Variants in SORCS1 observed in about 807,000 individuals in gnomAD.
The protein encoded by SORCS1 is VPS10 domain-containing receptor SorCS1.
In SORCS1, 60 loss-of-function variants were observed where a neutral mutation model predicts 146.1. The observed-to-expected ratio is 0.41, with a 90% CI of 0.33 to 0.51. SORCS1 has a LOEUF of 0.51. Among genes scored for constraint, SORCS1 ranks in the 20% least tolerant of loss-of-function variants. The pLI is 0.21. For synonymous variants in SORCS1, 637 were observed against 584.0 expected (o/e 1.09, Z -1.31); for missense variants, 1,352 against 1,487.6 (o/e 0.91, Z 1.50).
rs142504512 is a variant in SORCS1 at position 106,760,831 on chromosome 10, G to C, written c.959+757C>G. ...ACATGACAAGGGGAAGGCCGGCCAG[G>C]CATGCTGGCTCACACCTGTAATCCC... On this transcript the variant is annotated intron_variant, in intron 5 of 25. Transcript: ENST00000263054. 9.3e-3 allele frequency among the ~76,000 whole-genome samples: 1,415 copies of C among 152,220 alleles called. 9 individuals are homozygous for C. The highest frequency in any genetic ancestry group is 0.014 in the Non-Finnish European group (971 of 68,016).
chr10:107,148,715 G>A (rs1968533173), intron 1 of SORCS1, among the ~76,000 whole-genome samples: 1 of 152,174 alleles, frequency 6.6e-6, no homozygotes, highest in Non-Finnish European at 1.5e-5. Context: ...GAGCTTTTAA[G>A]GCAAATATAA....
At chr10:106,994,063 CAAAAAAAAA>C (rs67408221) in intron 1 of SORCS1, among the ~76,000 whole-genome samples, 39 of 80,816 alleles carry the variant, frequency 4.8e-4, no homozygotes, top group African/African-American at 1.5e-3. Context: ...GACCCCATCT[CAAAAAAAAA>C]AAAAAAAAAA....
Position 106,829,605 on chromosome 10 carries a change from T to C in SORCS1, c.695A>G (p.Tyr232Cys), listed in dbSNP as rs201223592. ...DKVGLKTILS[Y>C]LYVCPTNKRK... ...CTTGTTGGTAGGACACACATAGAGA[T>C]AGCTCAAAATGGTTTTCAAACCAAC... is the stretch of plus-strand genomic sequence containing the variant. The change falls in exon 3 of 26, where the codon TAT (tyrosine) becomes TGT (cysteine). Residue 232 changes from tyrosine to cysteine, a missense_variant. By Grantham distance (194) the Tyr-to-Cys change is radical. Transcript: ENST00000263054. The C allele has an allele frequency of 6.0e-5, 96 of 1,605,936 alleles. No individual in the cohort carries two copies. The highest frequency in any genetic ancestry group is 6.0e-5 in the Non-Finnish European group (70 of 1,173,662).
intron 1 of SORCS1, among the ~76,000 whole-genome samples, chr10:107,063,891 A>G (rs2134131284): frequency 6.6e-6 from 1 of 152,336 alleles, no homozygotes; most frequent in African/African-American, 2.4e-5. Context: ...GGCTGCATTG[A>G]AATCTGAGTG....
intron 16 of SORCS1, 133 bp downstream of exon 16, chr10:106,671,104 G>A: frequency 8.3e-7 from 1 of 1,206,794 alleles, no homozygotes; most frequent in South Asian, 1.5e-5. Context: ...AAACTATGAG[G>A]TAATTTTATA....
At chr10:107,163,851 T>C in intron 1 of SORCS1, 118 bp downstream of exon 1, 1 of 1,177,740 alleles carries the variant, frequency 8.5e-7, no homozygotes, top group South Asian at 1.5e-5. Context: ...AGAGACCAGT[T>C]TGCAGCATCT....
intron 6 of SORCS1, among the ~76,000 whole-genome samples, chr10:106,726,990 G>T (rs1205116537): frequency 1.3e-5 from 2 of 151,898 alleles, no homozygotes; most frequent in Non-Finnish European, 2.9e-5. Flanking sequence ...GGAGGCTGAG[G>T]CAGGAGAATG....
At chr10:107,071,726 C>G (rs992528522) in intron 1 of SORCS1, among the ~76,000 whole-genome samples, 1 of 152,230 alleles carries the variant, frequency 6.6e-6, no homozygotes, top group African/African-American at 2.4e-5. Context: ...AACACTCACA[C>G]TAGTCAGTCC....
intron 17 of SORCS1, among the ~76,000 whole-genome samples, chr10:106,661,200 T>C (rs536173832): frequency 6.6e-6 from 1 of 152,280 alleles, no homozygotes; most frequent in East Asian, 1.9e-4. Flanking sequence ...CAAAGAGGAA[T>C]AAATTTGGGG....
chr10:106,950,753 G>C (rs1212984804), intron 2 of SORCS1, among the ~76,000 whole-genome samples: 1 of 152,098 alleles, frequency 6.6e-6, no homozygotes, highest in East Asian at 1.9e-4. Flanking sequence ...TGAACGTATG[G>C]AGTTCAGTAA....
rs549964369 is a variant in SORCS1, at chr10:107,116,267, T to G, written c.558+47702A>C. 4.6e-5 allele frequency among the ~76,000 whole-genome samples: 7 copies of G among 152,208 alleles called. No individual in the cohort carries two copies. The South Asian group carries it at 1.4e-3, about 32-fold the overall frequency. ...ATCCAGCAATCTCGCCCTGGGACTA[T>G]CTCCAAAGGAAATGAAATAAGCATC... On this transcript the variant is annotated intron_variant, in intron 1 of 25. Coordinates refer to ENST00000263054, the MANE Select transcript of SORCS1 (RefSeq NM_052918.5).
At chr10:107,174,731 ATTCTACT>A in the SORCS1 span, among the ~76,000 whole-genome samples, 1 of 152,256 alleles carries the variant, frequency 6.6e-6, no homozygotes, top group East Asian at 1.9e-4. Flanking sequence ...GCATATTAAA[ATTCTACT>A]TCTCTATTTG....
At chr10:106,588,362 A>C (rs982415201) in intron 24 of SORCS1, among the ~76,000 whole-genome samples, 1 of 152,168 alleles carries the variant, frequency 6.6e-6, no homozygotes, top group African/African-American at 2.4e-5. Context: ...CCTGTACTTA[A>C]TATCACAGGC....
chr10:106,603,211 G>A (rs963534784), intron 23 of SORCS1, among the ~76,000 whole-genome samples: 1 of 152,126 alleles, frequency 6.6e-6, no homozygotes, highest in African/African-American at 2.4e-5. Flanking sequence ...ACTCCGAGGG[G>A]AGCAAGGAAG....
At chr10:106,851,509 C>T (rs1355308513) in intron 2 of SORCS1, among the ~76,000 whole-genome samples, 1 of 152,192 alleles carries the variant, frequency 6.6e-6, no homozygotes, top group Non-Finnish European at 1.5e-5. Context: ...GATCAGCTGA[C>T]TATATTTATA....
At chr10:106,967,929 G>T (rs528816094) in intron 1 of SORCS1, among the ~76,000 whole-genome samples, 1 of 151,882 alleles carries the variant, frequency 6.6e-6, no homozygotes, top group African/African-American at 2.4e-5. Flanking sequence ...AAAATGCCGG[G>T]TGTGGTGGCT....
intron 2 of SORCS1, among the ~76,000 whole-genome samples, chr10:106,830,600 TTTA>T (rs1948501300): frequency 1.4e-5 from 2 of 146,194 alleles, no homozygotes; most frequent in African/African-American, 5.2e-5. Flanking sequence ...TTTAAAAAAA[TTTA>T]AAGAATATAG....
At chr10:106,933,820 G>A (rs1003455599) in intron 2 of SORCS1, among the ~76,000 whole-genome samples, 6 of 152,100 alleles carry the variant, frequency 3.9e-5, no homozygotes, top group African/African-American at 7.2e-5. Flanking sequence ...TTGGCTGGGC[G>A]CAGTGGCTCA....
intron 1 of SORCS1, among the ~76,000 whole-genome samples, chr10:107,021,127 T>C (rs1214108329): frequency 6.6e-6 from 1 of 152,160 alleles, no homozygotes; most frequent in Non-Finnish European, 1.5e-5. Context: ...TTTGGGATCA[T>C]ACTATAAATG....
Sources: gnomAD v4.1 joint callset for allele counts (sites outside exome capture counted in the v4.1 genomes callset) on GRCh38, gnomAD v4.1.1 for gene constraint, MANE v1.5 for transcripts, NCBI Gene and HGNC (gene_info 2026-07-23, HGNC 2026-07-21) for gene names.